CPNE4: variants seen among roughly 807,000 people sequenced by gnomAD.
CPNE4 encodes the protein copine 4, also known as copine-4.
Under a neutral mutation model 67.9 loss-of-function variants are expected in CPNE4, and 25 were observed. The observed-to-expected ratio is 0.37, with a 90% CI of 0.27 to 0.51. CPNE4 has a LOEUF of 0.51. CPNE4 is among the 20% of genes least tolerant of loss of function. The probability of loss-of-function intolerance (pLI) is 0.93; values close to 1 mark genes in which losing one functional copy is unlikely to be tolerated. For synonymous variants in CPNE4, 242 were observed against 244.9 expected (o/e 0.99, Z 0.11); for missense variants, 464 against 690.8 (o/e 0.67, Z 3.68).
At chr3:131,805,707 T>C (rs565754364) in intron 2 of CPNE4, among the ~76,000 whole-genome samples, 81 of 152,290 alleles carry the variant, frequency 5.3e-4, no homozygotes, top group Middle Eastern at 3.4e-3. Flanking sequence ...GGGTGTGAGA[T>C]GGTAGTGACT....
chr3:131,569,129 T>C (rs1211890570), intron 10 of CPNE4, among the ~76,000 whole-genome samples: 1 of 151,982 alleles, frequency 6.6e-6, no homozygotes, highest in Non-Finnish European at 1.5e-5. Flanking sequence ...TTGGTTCATT[T>C]TCTGGAAATG....
chr3:131,902,667 A>G (rs1359726206), intron 2 of CPNE4, among the ~76,000 whole-genome samples: 1 of 152,172 alleles, frequency 6.6e-6, no homozygotes, highest in Non-Finnish European at 1.5e-5. Context: ...GATAATAATC[A>G]TATGAGAATA....
intron 2 of CPNE4, among the ~76,000 whole-genome samples, chr3:131,830,290 C>G (rs1316192970): frequency 2.0e-5 from 3 of 152,198 alleles, no homozygotes; most frequent in African/African-American, 7.2e-5. Flanking sequence ...GTCCAAGTTA[C>G]TCTCATCTCT....
chr3:131,880,797 T>C (rs1282255906), intron 2 of CPNE4, among the ~76,000 whole-genome samples: 2 of 152,234 alleles, frequency 1.3e-5, no homozygotes, highest in South Asian at 2.1e-4. Context: ...AAACATTAAG[T>C]ACCATTCTTT....
intron 2 of CPNE4, among the ~76,000 whole-genome samples, chr3:131,732,535 AG>A (rs2082151429): frequency 6.6e-6 from 1 of 152,150 alleles, no homozygotes; most frequent in African/African-American, 2.4e-5. Flanking sequence ...CTCTGTCTAC[AG>A]GCCCTCCTAG....
chr3:131,888,453 G>GA (rs1305386661), intron 2 of CPNE4, among the ~76,000 whole-genome samples: 15 of 151,928 alleles, frequency 9.9e-5, no homozygotes, highest in Admixed American at 6.6e-5. Context: ...AGGAGCTCTT[G>GA]AAATATAGTA....
At chr3:131,710,092 A>T (rs2081521480) in intron 3 of CPNE4, among the ~76,000 whole-genome samples, 1 of 152,244 alleles carries the variant, frequency 6.6e-6, no homozygotes, top group Non-Finnish European at 1.5e-5. Context: ...GCACATAGTA[A>T]GTTCCAATAA....
intron 14 of CPNE4, among the ~76,000 whole-genome samples, chr3:131,546,202 GA>G (rs1935827377): frequency 6.6e-6 from 1 of 152,180 alleles, no homozygotes; most frequent in Admixed American, 6.5e-5. Flanking sequence ...CAGGATTCTG[GA>G]ATCTGATCCT....
intron 5 of CPNE4, among the ~76,000 whole-genome samples, chr3:131,691,368 C>G (rs1190237600): frequency 6.6e-6 from 1 of 152,122 alleles, no homozygotes; most frequent in Non-Finnish European, 1.5e-5. Context: ...GAATACTACA[C>G]AGCCATAAAA....
intron 7 of CPNE4, among the ~76,000 whole-genome samples, chr3:131,625,663 T>C (rs961697228): frequency 1.6e-4 from 25 of 152,338 alleles, no homozygotes; most frequent in African/African-American, 6.0e-4. Context: ...AGTGAATGCC[T>C]GAAGTCGTGG....
intron 2 of CPNE4, among the ~76,000 whole-genome samples, chr3:131,779,667 A>G (rs1283847442): frequency 1.3e-5 from 2 of 152,006 alleles, no homozygotes; most frequent in African/African-American, 2.4e-5. Context: ...ACCTGTCACC[A>G]TATATAAAAA....
intron 6 of CPNE4, among the ~76,000 whole-genome samples, chr3:131,684,612 T>C (rs1165900996): frequency 6.6e-6 from 1 of 152,210 alleles, no homozygotes; most frequent in African/African-American, 2.4e-5. Flanking sequence ...GGAAATTGAA[T>C]TTCCAATGTG....
chr3:131,639,324 G>A (rs1465233656), intron 7 of CPNE4, among the ~76,000 whole-genome samples: 3 of 151,996 alleles, frequency 2.0e-5, no homozygotes, highest in Non-Finnish European at 4.4e-5. Flanking sequence ...AAAAAAATTG[G>A]TAGATGTTAC....
intron 2 of CPNE4, among the ~76,000 whole-genome samples, chr3:131,874,175 G>T (rs2087339726): frequency 6.6e-6 from 1 of 151,028 alleles, no homozygotes; most frequent in South Asian, 2.1e-4. Context: ...TGCAAGCTCC[G>T]CCTCCCGGGT....
chr3:131,807,219 A>G (rs73222328), intron 2 of CPNE4, among the ~76,000 whole-genome samples: 1,922 of 152,290 alleles, frequency 0.013, 18 homozygotes, highest in Non-Finnish European at 0.021. Flanking sequence ...GGACACTTGA[A>G]CAGAAGTTTC....
chr3:131,703,755 T>A (rs2081357451), intron 3 of CPNE4, among the ~76,000 whole-genome samples: 1 of 152,196 alleles, frequency 6.6e-6, no homozygotes, highest in South Asian at 2.1e-4. Context: ...ACAGTTACAA[T>A]AACAGATATT....
At chr3:131,827,073 C>T (rs1333436021) in intron 2 of CPNE4, among the ~76,000 whole-genome samples, 2 of 151,952 alleles carry the variant, frequency 1.3e-5, no homozygotes, top group Non-Finnish European at 2.9e-5. Context: ...CAAAACAAAA[C>T]AACTTCAGTC....
chr3:131,539,323 C>T (rs1046829449), intron 15 of CPNE4, among the ~76,000 whole-genome samples: 4 of 152,138 alleles, frequency 2.6e-5, no homozygotes, highest in African/African-American at 9.7e-5. Context: ...TGACAATGTC[C>T]CCAAAATTCC....
Position 131,906,202 on chromosome 3 carries a change from GTTTTT to G in CPNE4, c.-1-763_-1-759del, listed in dbSNP as rs3041554. On this transcript the variant is annotated intron_variant, in intron 1 of 15. Transcript: ENST00000429747. ...TGTGATATCCTTTATTTTATTTTTT[GTTTTT>G]TTTTGTTGTTGTTGTTTTGTTTTGT... Among the ~76,000 whole-genome samples the G allele has an allele frequency of 5.6e-5, 8 of 143,386 alleles. 1 individual carries two copies. Among genetic ancestry groups the G allele is most frequent in the South Asian group, 4.4e-4 (2 of 4,578 alleles). 94.1% of individuals were successfully genotyped at this position (143,386 alleles called of 152,430 possible).
Sources: gnomAD v4.1 joint callset for allele counts (sites outside exome capture counted in the v4.1 genomes callset) on GRCh38, gnomAD v4.1.1 for gene constraint, MANE v1.5 for transcripts, NCBI Gene and HGNC (gene_info 2026-07-23, HGNC 2026-07-21) for gene names.